Variants in PDGFRB observed in about 807,000 individuals in gnomAD.
The protein encoded by PDGFRB is platelet derived growth factor receptor beta.
PDGFRB carries 42 observed loss-of-function variants against 120.2 expected under a neutral mutation model. That is an observed-to-expected ratio of 0.35 (90% CI 0.27 to 0.45). PDGFRB has a LOEUF of 0.45. Among genes scored for constraint, PDGFRB ranks in the 20% least tolerant of loss-of-function variants. The probability of loss-of-function intolerance (pLI) is 1.00; values close to 1 mark genes in which losing one functional copy is unlikely to be tolerated. For synonymous variants in PDGFRB, 586 were observed against 606.8 expected, an observed-to-expected ratio of 0.97 and a Z score of 0.50; for missense variants, 1,149 against 1,476.3, an observed-to-expected ratio of 0.78 and a Z score of 3.63.
chr5:150,120,400 G>A lies in PDGFRB; in HGVS notation c.2587-277C>T, dbSNP rs1033774133. 3.9e-5 allele frequency among the ~76,000 whole-genome samples: 6 copies of A among 152,212 alleles called. No individual in the cohort carries two copies. The highest frequency in any genetic ancestry group is 2.6e-4 in the Admixed American group (4 of 15,292). On this transcript the variant is annotated intron_variant, in intron 18 of 22. Transcript: ENST00000261799. The surrounding 1 kb of genome is among the most constrained non-coding windows in gnomAD (Gnocchi z 4.3). The stretch of plus-strand genomic sequence containing the variant: ...TCTGAGTAGTGAAGTGTGGGAGCCA[G>A]GGACTTGTCAAGGCACCCCCCAAGC...
At position 150,121,809 on chromosome 5, in the gene PDGFRB, T is replaced by C; in HGVS notation, c.2344+71A>G. On this transcript the variant is annotated intron_variant, in intron 16 of 22. Transcript: ENST00000261799. The surrounding 1 kb of genome is among the most constrained non-coding windows in gnomAD (Gnocchi z 4.1). Reference sequence around the variant, plus strand: ...GAGGCTCCCTTCTTCTCAGGGTTTTTGGCAAGGCTGGGCATGTGAAGAGCA... The same window carrying C: ...GAGGCTCCCTTCTTCTCAGGGTTTTCGGCAAGGCTGGGCATGTGAAGAGCA... The C allele has an allele frequency of 8.2e-7, 1 of 1,213,790 alleles. No homozygotes were observed. The highest frequency in any genetic ancestry group is 1.2e-6 in the Non-Finnish European group (1 of 833,880). 75.2% of individuals were successfully genotyped at this position (1,213,790 alleles called of 1,614,324 possible). A position where few individuals can be genotyped will look rare whatever the true frequency, so the allele number is the denominator to read the frequency against.
chr5:150,122,052 G>C lies in PDGFRB; in HGVS notation c.2184-12C>G. 6.2e-7 allele frequency: 1 copy of C among 1,611,876 alleles called. No homozygotes were observed. Reference sequence around the variant, plus strand: ...TCAAGGACACATGGCTGGGGGTAAAGGAGCATCACAGGAGAGCCTGCAGGC... The same window carrying C: ...TCAAGGACACATGGCTGGGGGTAAACGAGCATCACAGGAGAGCCTGCAGGC... On this transcript the variant is annotated splice_polypyrimidine_tract_variant and intron_variant, in intron 15 of 22. Coordinates refer to ENST00000261799, the MANE Select transcript of PDGFRB (RefSeq NM_002609.4).
chr5:150,143,624 G>T (rs541697139), intron 1 of PDGFRB, among the ~76,000 whole-genome samples: 1 of 152,222 alleles, frequency 6.6e-6, no homozygotes, highest in African/African-American at 2.4e-5. Flanking sequence ...CTGGCGGCAA[G>T]TCTGGTCCAT....
chr5:150,132,750 C>T lies in PDGFRB; in HGVS notation c.1127G>A (p.Arg376Gln), dbSNP rs1442264858. The T allele has an allele frequency of 1.2e-6, 2 of 1,611,034 alleles. No individual in the cohort carries two copies. Among genetic ancestry groups the T allele is most frequent in the Non-Finnish European group, 1.7e-6 (2 of 1,178,444 alleles). ...TGGGATGGGAGAGCGAGCTGCTCAC[C>T]GGGTCTCCGACACGTTGCGCGTGGA... Reference protein sequence around the residue: ...ALSTRNVSETRYVSELTLVRV... With the variant: ...ALSTRNVSETQYVSELTLVRV... Residue 376 changes from arginine (R) to glutamine (Q), a missense_variant and splice_region_variant, in exon 7 of 23, where the codon CGG becomes CAG. Coordinates refer to ENST00000261799, the MANE Select transcript of PDGFRB (RefSeq NM_002609.4). The surrounding 1 kb of genome is among the most constrained non-coding windows in gnomAD (Gnocchi z 5.0).
Position 150,114,554 on chromosome 5 carries a change from G to A in PDGFRB, c.*1209C>T, listed in dbSNP as rs1581362823. 8.6e-6 allele frequency: 2 copies of A among 233,280 alleles called. No homozygotes were observed. The highest frequency in any genetic ancestry group is 1.7e-5 in the Non-Finnish European group (2 of 117,832). 14.5% of individuals were successfully genotyped at this position (233,280 alleles called of 1,614,324 possible). ...TGGGGCAGCTGCTGGGGGCTTTCCA[G>A]GACACCGGCTGTCACTCTAAGTCAA... On this transcript the variant is annotated 3_prime_UTR_variant, in exon 23 of 23. Transcript: ENST00000261799.
intron 12 of PDGFRB, among the ~76,000 whole-genome samples, 184 bp from the exon 13 acceptor site, chr5:150,125,015 C>T (rs963296426): frequency 6.6e-6 from 1 of 151,868 alleles, no homozygotes; most frequent in Non-Finnish European, 1.5e-5. Flanking sequence ...CAGGATATTC[C>T]CTAAACACAC....
In PDGFRB at chr5:150,122,029, A is replaced by C. The variant is rs141793092; in HGVS notation, c.2195T>G (p.Leu732Trp). 3.2e-5 allele frequency: 51 copies of C among 1,613,402 alleles called. No homozygotes were observed. Among genetic ancestry groups the C allele is most frequent in the Non-Finnish European group, 4.3e-5 (51 of 1,179,952 alleles). ...VGLPLPSHVS[L>W]TGESDGGYMD... Reference sequence around the variant, plus strand: ...GTAGCCACCGTCGCTCTCCCCGGTCAAGGACACATGGCTGGGGGTAAAGGA... The same window carrying C: ...GTAGCCACCGTCGCTCTCCCCGGTCCAGGACACATGGCTGGGGGTAAAGGA... Residue 732 changes from leucine to tryptophan, a missense_variant, in exon 16 of 23, where the codon TTG becomes TGG. Physicochemically the swap from Leu to Trp is moderately conservative, Grantham distance 61. Transcript: ENST00000261799.
intron 1 of PDGFRB, among the ~76,000 whole-genome samples, chr5:150,140,097 G>A (rs1760739527): frequency 6.6e-6 from 1 of 152,162 alleles, no homozygotes; most frequent in Non-Finnish European, 1.5e-5. Flanking sequence ...GAGGCTGGAG[G>A]GCCAGGGAGG....
chr5:150,145,867 A>G (rs1023993025), intron 1 of PDGFRB, among the ~76,000 whole-genome samples: 1 of 152,170 alleles, frequency 6.6e-6, no homozygotes, highest in Non-Finnish European at 1.5e-5. Flanking sequence ...ACAAGAGTGA[A>G]ACTCCGTCTC....
At position 150,120,173 on chromosome 5, in the gene PDGFRB, C is replaced by T. The variant is rs1311358921; in HGVS notation, c.2587-50G>A. The T allele has an allele frequency of 2.5e-6, 2 of 815,170 alleles. No homozygotes were observed. The highest frequency in any genetic ancestry group is 4.4e-6 in the Non-Finnish European group (2 of 452,206). 50.5% of individuals were successfully genotyped at this position (815,170 alleles called of 1,614,324 possible). Reference sequence around the variant, plus strand: ...TGAGTGCAAGGAAGGACCTCAGCCCCACTCTGCACCTGGGATGGGAGGAGG... The same window carrying T: ...TGAGTGCAAGGAAGGACCTCAGCCCTACTCTGCACCTGGGATGGGAGGAGG... On this transcript the variant is annotated intron_variant, in intron 18 of 22. Coordinates refer to ENST00000261799, the MANE Select transcript of PDGFRB (RefSeq NM_002609.4). The surrounding 1 kb of genome is among the most constrained non-coding windows in gnomAD (Gnocchi z 4.3).
rs757873895 is a variant in PDGFRB, at chr5:150,118,832, C to T, written c.2819G>A (p.Cys940Tyr). 1 of 1,611,870 alleles carries T rather than the reference C, an allele frequency of 6.2e-7. No individual in the cohort carries two copies. The highest frequency in any genetic ancestry group is 8.5e-7 in the Non-Finnish European group (1 of 1,178,040). ...CCGAATCTCAAACTTCTCTTCCCAG[C>T]ACTTCTGCATGATCTCATAGCTGGG... is the stretch of plus-strand genomic sequence containing the variant. ...SDEIYEIMQK[C>Y]WEEKFEIRPP... Residue 940 changes from cysteine (C) to tyrosine (Y), a missense_variant, in exon 21 of 23, where the codon TGC (cysteine) becomes TAC (tyrosine). By Grantham distance (194) the Cys-to-Tyr change is radical. Coordinates refer to ENST00000261799, the MANE Select transcript of PDGFRB (RefSeq NM_002609.4).
intron 1 of PDGFRB, among the ~76,000 whole-genome samples, chr5:150,149,057 T>TTTTCTCTGGAC (rs1191830894): frequency 2.6e-5 from 4 of 152,030 alleles, no homozygotes; most frequent in Non-Finnish European, 5.9e-5. Context: ...TGTGTGAGGA[T>TTTTCTCTGGAC]TTTCTCTGGA....
intron 1 of PDGFRB, among the ~76,000 whole-genome samples, chr5:150,140,784 G>T (rs1198296685): frequency 1.3e-5 from 2 of 152,182 alleles, no homozygotes; most frequent in African/African-American, 2.4e-5. Flanking sequence ...GGGGAGAGGA[G>T]TGGGTGCCCC....
intron 10 of PDGFRB, among the ~76,000 whole-genome samples, chr5:150,128,068 G>A (rs924068672): frequency 3.3e-5 from 5 of 151,748 alleles, no homozygotes; most frequent in African/African-American, 4.8e-5. Flanking sequence ...CCCTCCTCCC[G>A]CTCATCACAC....
chr5:150,134,171 T>C (rs1168385246), intron 4 of PDGFRB, 163 bp from the exon 5 acceptor site: 1 of 665,536 alleles, frequency 1.5e-6, no homozygotes, highest in Non-Finnish European at 2.6e-6. Context: ...CCAAGTACTA[T>C]TCTGGACACT....
chr5:150,125,135 G>A lies in PDGFRB; in HGVS notation c.1808-304C>T, dbSNP rs138173937. Among the ~76,000 whole-genome samples the A allele has an allele frequency of 2.7e-3, 409 of 152,148 alleles. 2 individuals are homozygous for A. The highest frequency in any genetic ancestry group is 9.7e-3 in the African/African-American group (404 of 41,498). ...AGTTTCTTCCCTCCCAAGGGAGCAC[G>A]CTTCTCTGTACCTCCTCAGCTTCCC... is the stretch of plus-strand genomic sequence containing the variant. On this transcript the variant is annotated intron_variant, in intron 12 of 22. Transcript: ENST00000261799.
At chr5:150,142,252 G>A (rs1172852538) in intron 1 of PDGFRB, among the ~76,000 whole-genome samples, 1 of 152,150 alleles carries the variant, frequency 6.6e-6, no homozygotes, top group East Asian at 1.9e-4. Flanking sequence ...AGCTCACCTG[G>A]CTGCGCAGCT....
At chr5:150,146,615 G>C (rs1760930355) in intron 1 of PDGFRB, among the ~76,000 whole-genome samples, 1 of 152,124 alleles carries the variant, frequency 6.6e-6, no homozygotes, top group African/African-American at 2.4e-5. Context: ...GTGGTGGCAT[G>C]ATCATAGCTC....
In PDGFRB at chr5:150,135,588, C is replaced by T. The variant is rs558122968; in HGVS notation, c.331G>A (p.Asp111Asn). ...THNDSRGLET[D>N]ERKRLYIFVP... Reference sequence around the variant, plus strand: ...AAGATGTAGAGCCGTTTCCGCTCATCGGTCTCCAGTCCACGGGAGTCATTG... The same window carrying T: ...AAGATGTAGAGCCGTTTCCGCTCATTGGTCTCCAGTCCACGGGAGTCATTG... The change falls in exon 3 of 23, where the codon GAT (aspartate) becomes AAT (asparagine). Residue 111 changes from aspartate to asparagine, a missense_variant. Around this residue, in one of 3 missense-constraint regions of PDGFRB, gnomAD observed 879 missense variants for 1,108.6 expected, o/e 0.79. Transcript: ENST00000261799. 27 of 1,612,192 alleles carry T rather than the reference C, an allele frequency of 1.7e-5. No individual in the cohort carries two copies. Among genetic ancestry groups the T allele is most frequent in the Admixed American group, 6.7e-5 (4 of 59,860 alleles).
Sources: allele counts gnomAD v4.1 joint callset (sites outside exome capture counted in the v4.1 genomes callset), GRCh38; gene constraint gnomAD v4.1.1; regional missense constraint gnomAD v4.1.1; non-coding constraint Gnocchi (gnomAD v3.1); transcripts MANE v1.5; gene names NCBI Gene and HGNC (gene_info 2026-07-23, HGNC 2026-07-21).